CASP10: variants seen among roughly 807,000 people sequenced by gnomAD.
The protein encoded by CASP10 is caspase-10.
In CASP10, 41 loss-of-function variants were observed where a neutral mutation model predicts 48.5. The ratio of observed to expected loss-of-function variants is 0.85; its 90% CI spans 0.66 to 1.10. The LOEUF is 1.10. Ranked by LOEUF, CASP10 falls within the 50% of genes least tolerant of loss-of-function variation. The pLI is 0.00. For missense variants in CASP10, 614 were observed against 614.5 expected, an observed-to-expected ratio of 1.00 and a Z score of 0.01; for synonymous variants, 232 against 238.4, an observed-to-expected ratio of 0.97 and a Z score of 0.25.
chr2:201,199,188 A>T (rs1408284023), intron 5 of CASP10, among the ~76,000 whole-genome samples: 2 of 152,170 alleles, frequency 1.3e-5, no homozygotes, highest in Non-Finnish European at 2.9e-5. Flanking sequence ...AATAATAAGG[A>T]TATTCTTTTA....
intron 5 of CASP10, among the ~76,000 whole-genome samples, chr2:201,198,536 A>ATTT (rs1944889413): frequency 3.4e-5 from 2 of 59,566 alleles, no homozygotes; most frequent in African/African-American, 1.5e-4. Flanking sequence ...TTATTTTTTA[A>ATTT]TTCTTTTTTT....
chr2:201,192,792 G>A (rs1439920991), intron 3 of CASP10, among the ~76,000 whole-genome samples, 192 bp from the exon 4 acceptor site: 2 of 152,062 alleles, frequency 1.3e-5, no homozygotes, highest in Non-Finnish European at 2.9e-5. Context: ...TTGGTATCTG[G>A]TATTAATATA....
intron 1 of CASP10, 67 bp from the exon 2 acceptor site, chr2:201,185,704 C>G (rs1944389983): frequency 1.0e-6 from 1 of 976,688 alleles, no homozygotes; most frequent in African/African-American, 1.6e-5. Context: ...AGGGGAGGGC[C>G]TGGGAAGTCA....
At chr2:201,224,525 T>C (rs915625064), downstream of CASP10, among the ~76,000 whole-genome samples, 4 of 152,200 alleles carry the variant, frequency 2.6e-5, no homozygotes, top group Non-Finnish European at 4.4e-5. Context: ...GGTTTGAAGA[T>C]AAGAAAATTA....
intron 7 of CASP10, among the ~76,000 whole-genome samples, chr2:201,207,631 C>T (rs1945249529): frequency 6.6e-6 from 1 of 152,068 alleles, no homozygotes; most frequent in Non-Finnish European, 1.5e-5. Flanking sequence ...GTGGCGGGCG[C>T]CTGTAGTCCC....
intron 7 of CASP10, among the ~76,000 whole-genome samples, chr2:201,207,733 G>T (rs1163904552): frequency 6.6e-6 from 1 of 151,748 alleles, no homozygotes; most frequent in Non-Finnish European, 1.5e-5. Context: ...CTCCAGCCTG[G>T]GTGACAGAGC....
At chr2:201,227,620 G>A (rs1254145421) in intron 9 of CASP10, among the ~76,000 whole-genome samples, 1 of 152,034 alleles carries the variant, frequency 6.6e-6, no homozygotes, top group South Asian at 2.1e-4. Flanking sequence ...GCAGTGGCAC[G>A]ATCTCGGCTC....
chr2:201,208,208 C>G (rs1412937978), intron 8 of CASP10, 25 bp downstream of exon 8: 1 of 1,591,248 alleles, frequency 6.3e-7, no homozygotes, highest in African/African-American at 1.4e-5. Flanking sequence ...AACAGTTTAT[C>G]AAATGCAAAT....
chr2:201,207,412 G>A (rs1945240163), intron 7 of CASP10, among the ~76,000 whole-genome samples: 4 of 151,438 alleles, frequency 2.6e-5, no homozygotes. Context: ...CTTGAGGTCA[G>A]GAGTTCAAGA....
At chr2:201,227,838 T>C (rs13005094) in intron 9 of CASP10, among the ~76,000 whole-genome samples, 82,373 of 151,486 alleles carry the variant, frequency 0.54, 23,303 homozygotes, top group African/African-American at 0.69. Flanking sequence ...GGATTACAGG[T>C]GTGAGCCACC....
At chr2:201,207,939 A>G (rs1185322060) in intron 7 of CASP10, 136 bp from the exon 8 acceptor site, 1 of 704,068 alleles carries the variant, frequency 1.4e-6, no homozygotes, top group African/African-American at 1.8e-5. Context: ...ACAACAACAA[A>G]AACATGGTTT....
intron 9 of CASP10, chr2:201,228,930 T>C (rs767041875): frequency 6.2e-7 from 1 of 1,614,018 alleles, no homozygotes; most frequent in Non-Finnish European, 8.5e-7. Flanking sequence ...TTGTGCTCAG[T>C]AGGATGCTGA....
At chr2:201,190,811 G>A (rs1011922704) in intron 3 of CASP10, among the ~76,000 whole-genome samples, 2 of 151,772 alleles carry the variant, frequency 1.3e-5, no homozygotes, top group African/African-American at 4.8e-5. Context: ...TGCTTGCACA[G>A]GTTCTAGAAC....
At chr2:201,203,628 T>G (rs1576112805) in intron 5 of CASP10, 102 bp from the exon 6 acceptor site, 6 of 1,052,056 alleles carry the variant, frequency 5.7e-6, no homozygotes, top group Non-Finnish European at 3.0e-6. Flanking sequence ...TCTGTGGCTG[T>G]GGATTAGATA....
chr2:201,208,291 A>C (rs2126046209), intron 8 of CASP10, 108 bp downstream of exon 8: 1 of 1,453,876 alleles, frequency 6.9e-7, no homozygotes, highest in Non-Finnish European at 9.1e-7. Flanking sequence ...ACGTGTAAGG[A>C]TGATATCATG....
intron 5 of CASP10, among the ~76,000 whole-genome samples, chr2:201,201,675 G>A (rs1024217015): frequency 4.6e-5 from 7 of 152,124 alleles, no homozygotes; most frequent in Non-Finnish European, 7.4e-5. Context: ...AGCATCTCAC[G>A]TGTTTTCACA....
chr2:201,223,236 G>A (rs935234771), downstream of CASP10, among the ~76,000 whole-genome samples: 6 of 152,074 alleles, frequency 3.9e-5, no homozygotes, highest in Non-Finnish European at 8.8e-5. Context: ...AGGTCTTCAG[G>A]TGCCAGTGGT....
intron 5 of CASP10, among the ~76,000 whole-genome samples, chr2:201,196,714 G>A (rs537186564): frequency 5.3e-5 from 8 of 152,288 alleles, no homozygotes; most frequent in Non-Finnish European, 8.8e-5. Context: ...TCAATTTTAA[G>A]TATACAGTTC....
Position 201,209,466 on chromosome 2 carries a change from T to C in CASP10, c.1319T>C (p.Leu440Pro). Residue 440 changes from leucine to proline, a missense_variant, in exon 9 of 10, where the codon CTG becomes CCG. Transcript: ENST00000286186. ...GCCGAGGCTGACTTCCTACTTGGTC[T>C]GGCCACTGTCCCAGGCTATGTATCC... ...IPAEADFLLG[L>P]ATVPGYVSFR... The C allele has an allele frequency of 6.2e-7, 1 of 1,614,064 alleles. No homozygotes were observed.
Sources: gnomAD v4.1 joint callset for allele counts (sites outside exome capture counted in the v4.1 genomes callset) on GRCh38, gnomAD v4.1.1 for gene constraint, MANE v1.5 for transcripts, NCBI Gene and HGNC (gene_info 2026-07-23, HGNC 2026-07-21) for gene names.